Variants in GRIN2A observed in about 807,000 individuals in gnomAD.
GRIN2A encodes glutamate ionotropic receptor NMDA type subunit 2A.
Under a neutral mutation model 113.4 loss-of-function variants are expected in GRIN2A, and 22 were observed. The ratio of observed to expected loss-of-function variants is 0.19; its 90% CI spans 0.14 to 0.28. GRIN2A has a LOEUF of 0.28. Ranked by LOEUF, GRIN2A falls within the 10% of genes least tolerant of loss-of-function variation. The pLI is 1.00. For synonymous variants in GRIN2A, 827 were observed against 738.4 expected, an observed-to-expected ratio of 1.12 and a Z score of -1.94; for missense variants, 1,502 against 1,887.0, an observed-to-expected ratio of 0.80 and a Z score of 3.78.
intron 2 of GRIN2A, among the ~76,000 whole-genome samples, chr16:9,999,244 C>T (rs62033384): frequency 2.6e-5 from 4 of 152,106 alleles, no homozygotes; most frequent in African/African-American, 4.8e-5. Flanking sequence ...GGGTTCAAAT[C>T]CTGACTCAAC....
intron 2 of GRIN2A, among the ~76,000 whole-genome samples, chr16:10,046,499 C>T (rs971769776): frequency 6.6e-6 from 1 of 152,154 alleles, no homozygotes; most frequent in East Asian, 1.9e-4. Context: ...AATATAAACA[C>T]CTTCCCATCT....
chr16:9,870,730 C>G (rs1248530385), intron 4 of GRIN2A, among the ~76,000 whole-genome samples: 2 of 151,748 alleles, frequency 1.3e-5, no homozygotes, highest in Non-Finnish European at 2.9e-5. Context: ...CTCCGCTTCC[C>G]AGGTTCAAGC....
At position 10,006,968 on chromosome 16, in the gene GRIN2A, T is replaced by A. The variant is rs535038680; in HGVS notation, c.415-68417A>T. Among the ~76,000 whole-genome samples the A allele has an allele frequency of 2.0e-5, 3 of 152,344 alleles. No individual in the cohort carries two copies. The East Asian group carries it at 5.8e-4, about 29-fold the overall frequency. On this transcript the variant is annotated intron_variant, in intron 2 of 12. Coordinates refer to ENST00000330684, the MANE Select transcript of GRIN2A (RefSeq NM_001134407.3). ...GTTGTTGCAAATGACAGGATCTCAT[T>A]CTTTTTATGGCTAAATAGTACTCCA...
At chr16:9,936,178 T>C (rs1424065889) in intron 3 of GRIN2A, among the ~76,000 whole-genome samples, 1 of 152,154 alleles carries the variant, frequency 6.6e-6, no homozygotes, top group African/African-American at 2.4e-5. Flanking sequence ...AACATCAACA[T>C]CACCCAAAAA....
intron 11 of GRIN2A, among the ~76,000 whole-genome samples, chr16:9,772,434 C>G (rs181763067): frequency 1.3e-5 from 2 of 152,266 alleles, no homozygotes; most frequent in East Asian, 3.9e-4. Flanking sequence ...TGCAGTGGTG[C>G]GATCATAACT....
intron 4 of GRIN2A, among the ~76,000 whole-genome samples, chr16:9,874,065 T>C (rs1042154109): frequency 6.6e-6 from 1 of 152,234 alleles, no homozygotes; most frequent in African/African-American, 2.4e-5. Context: ...TTTAGATTTT[T>C]TTCTCATGGG....
At chr16:10,104,676 C>A (rs905525687) in intron 2 of GRIN2A, among the ~76,000 whole-genome samples, 21 of 152,152 alleles carry the variant, frequency 1.4e-4, no homozygotes, top group Admixed American at 1.1e-3. Context: ...AGTTTCTGTA[C>A]TGAGTCCTGA....
intron 12 of GRIN2A, among the ~76,000 whole-genome samples, chr16:9,765,313 A>G (rs1030145990): frequency 2.0e-5 from 3 of 152,208 alleles, no homozygotes; most frequent in African/African-American, 7.2e-5. Context: ...CCAAGCTTTC[A>G]TTAAAGTTTC....
chr16:10,026,927 G>A (rs535867170), intron 2 of GRIN2A, among the ~76,000 whole-genome samples: 1 of 152,246 alleles, frequency 6.6e-6, no homozygotes, highest in East Asian at 1.9e-4. Context: ...CCACCTGCCT[G>A]TTCTCAAGTG....
intron 11 of GRIN2A, among the ~76,000 whole-genome samples, chr16:9,777,268 A>T (rs1901661685): frequency 6.6e-6 from 1 of 152,186 alleles, no homozygotes; most frequent in South Asian, 2.1e-4. Context: ...AATCTGACAA[A>T]TAAGAAAAAA....
At chr16:9,938,735 G>C (rs1035665349) in intron 2 of GRIN2A, among the ~76,000 whole-genome samples, 184 bp from the exon 3 acceptor site, 3 of 152,180 alleles carry the variant, frequency 2.0e-5, no homozygotes, top group Non-Finnish European at 4.4e-5. Flanking sequence ...AGAAGCCCCT[G>C]TACTCAGGAG....
intron 2 of GRIN2A, among the ~76,000 whole-genome samples, chr16:10,038,084 A>T: frequency 7.1e-6 from 1 of 140,860 alleles, no homozygotes; most frequent in East Asian, 2.7e-4. Flanking sequence ...AAAACAACAG[A>T]CTTTATTTCT....
At chr16:10,101,503 A>G (rs1414346347) in intron 2 of GRIN2A, among the ~76,000 whole-genome samples, 1 of 152,186 alleles carries the variant, frequency 6.6e-6, no homozygotes, top group Admixed American at 6.5e-5. Context: ...AAGCTTTCTG[A>G]GCAACAGCAG....
At chr16:9,803,695 C>A (rs1045508851) in intron 10 of GRIN2A, among the ~76,000 whole-genome samples, 5 of 152,100 alleles carry the variant, frequency 3.3e-5, no homozygotes, top group African/African-American at 9.7e-5. Context: ...CTACTGCCAT[C>A]CCCATTGTCA....
chr16:10,132,994 C>T (rs1390792952), intron 2 of GRIN2A, among the ~76,000 whole-genome samples: 1 of 152,196 alleles, frequency 6.6e-6, no homozygotes, highest in Non-Finnish European at 1.5e-5. Flanking sequence ...ATGGCCACAT[C>T]ACTCTAACTC....
chr16:10,095,086 TTC>T (rs147451089), intron 2 of GRIN2A, among the ~76,000 whole-genome samples: 21 of 149,908 alleles, frequency 1.4e-4, no homozygotes, highest in South Asian at 2.1e-4. Flanking sequence ...GAAGAGAGAT[TTC>T]TCTCTCTCTC....
chr16:10,119,229 G>C lies in GRIN2A; in HGVS notation c.414+60769C>G, dbSNP rs540730350. 4.7e-4 allele frequency among the ~76,000 whole-genome samples: 72 copies of C among 152,300 alleles called. 3 individuals carry two copies. In the South Asian group the frequency reaches 0.013, roughly 28 times the overall value. ...AACCCAGCAGAATTCAGTAGGAGGA[G>C]GAAGATGGAGAAAGTTATAAAGTAA... On this transcript the variant is annotated intron_variant, in intron 2 of 12. Transcript: ENST00000330684.
intron 2 of GRIN2A, among the ~76,000 whole-genome samples, chr16:10,026,379 T>C (rs2046822308): frequency 6.6e-6 from 1 of 152,196 alleles, no homozygotes; most frequent in Non-Finnish European, 1.5e-5. Flanking sequence ...GGGAATCTAT[T>C]GCTATTATTT....
chr16:10,012,985 C>T (rs549766085), intron 2 of GRIN2A, among the ~76,000 whole-genome samples: 1 of 152,300 alleles, frequency 6.6e-6, no homozygotes, highest in Non-Finnish European at 1.5e-5. Context: ...TTCTAGAAAG[C>T]TGGCCCAATT....
Sources: gnomAD v4.1 joint callset for allele counts (sites outside exome capture counted in the v4.1 genomes callset) on GRCh38, gnomAD v4.1.1 for gene constraint, MANE v1.5 for transcripts, NCBI Gene and HGNC (gene_info 2026-07-23, HGNC 2026-07-21) for gene names.